NEDD4L: variants seen among roughly 807,000 people sequenced by gnomAD.
The protein encoded by NEDD4L is E3 ubiquitin-protein ligase NEDD4-like.
A neutral mutation model predicts 148.9 loss-of-function variants in NEDD4L; 54 were observed. That is an observed-to-expected ratio of 0.36 (90% confidence interval 0.29 to 0.45). The LOEUF (loss-of-function observed/expected upper bound fraction) is 0.45. Ranked by LOEUF, NEDD4L falls within the 20% of genes least tolerant of loss-of-function variation. The pLI, the probability that NEDD4L is intolerant of heterozygous loss-of-function variation, is 1.00. For missense variants in NEDD4L, 856 were observed against 1,233.8 expected (o/e 0.69, Z 4.59); for synonymous variants, 433 against 440.7 (o/e 0.98, Z 0.22).
chr18:58,162,290 G>T (rs1385007922), intron 1 of NEDD4L, among the ~76,000 whole-genome samples: 2 of 152,032 alleles, frequency 1.3e-5, no homozygotes, highest in Non-Finnish European at 2.9e-5. Context: ...GGCCTCTGTG[G>T]TCCTTGACCC....
chr18:58,206,117 G>A (rs1022283700), intron 2 of NEDD4L, among the ~76,000 whole-genome samples: 8 of 152,152 alleles, frequency 5.3e-5, no homozygotes, highest in Non-Finnish European at 7.4e-5. Context: ...CATGGGGCGC[G>A]GTGGCTCATC....
chr18:58,377,158 C>G (rs1288843306), intron 24 of NEDD4L, among the ~76,000 whole-genome samples: 1 of 152,204 alleles, frequency 6.6e-6, no homozygotes. Context: ...AAGCACTTTG[C>G]CTGGTGCATG....
intron 19 of NEDD4L, among the ~76,000 whole-genome samples, chr18:58,360,576 CTTTA>C (rs368150259): frequency 1.4e-3 from 210 of 152,190 alleles, no homozygotes; most frequent in African/African-American, 4.2e-3. Flanking sequence ...CTCTTTATCT[CTTTA>C]TTTATTTTTG....
intron 4 of NEDD4L, among the ~76,000 whole-genome samples, chr18:58,251,537 GTGTGTA>G (rs1211973268): frequency 6.7e-6 from 1 of 149,458 alleles, no homozygotes; most frequent in South Asian, 2.2e-4. Context: ...CTGTGTGTTT[GTGTGTA>G]TGTGTGTGTG....
At chr18:58,315,559 T>G (rs1236947038) in intron 5 of NEDD4L, among the ~76,000 whole-genome samples, 4 of 152,212 alleles carry the variant, frequency 2.6e-5, no homozygotes, top group Non-Finnish European at 5.9e-5. Context: ...CTAGGCCATA[T>G]ACTTTTTCCA....
chr18:58,103,062 G>C (rs1460712478), intron 1 of NEDD4L, among the ~76,000 whole-genome samples: 1 of 151,916 alleles, frequency 6.6e-6, no homozygotes, highest in Non-Finnish European at 1.5e-5. Context: ...TATGGACACA[G>C]TGAGCATTTG....
intron 1 of NEDD4L, among the ~76,000 whole-genome samples, chr18:58,133,280 G>A (rs2145998274): frequency 6.6e-6 from 1 of 152,310 alleles, no homozygotes; most frequent in South Asian, 2.1e-4. Flanking sequence ...GCACTTATAA[G>A]TTTCTATGCC....
At chr18:58,117,254 C>T (rs2085907627) in intron 1 of NEDD4L, among the ~76,000 whole-genome samples, 1 of 152,198 alleles carries the variant, frequency 6.6e-6, no homozygotes, top group African/African-American at 2.4e-5. Context: ...GGCCCAGTTG[C>T]CTTGGAGCAG....
In NEDD4L at chr18:58,396,324, G is replaced by A. The variant is rs1477652225; in HGVS notation, c.*55G>A. ...TCAAGCAAGTTCTGCTTGCACTTTT[G>A]CATTTGCCTAACAGACTTTTGCAGA... On this transcript the variant is annotated 3_prime_UTR_variant, in exon 31 of 31. Coordinates refer to ENST00000400345, the MANE Select transcript of NEDD4L (RefSeq NM_001144967.3). 32 of 1,236,852 alleles carry A rather than the reference G, an allele frequency of 2.6e-5. No individual in the cohort carries two copies. Among genetic ancestry groups the A allele is most frequent in the Non-Finnish European group, 3.6e-5 (31 of 851,932 alleles). 76.6% of individuals were successfully genotyped at this position (1,236,852 alleles called of 1,614,324 possible). A position where few individuals can be genotyped will look rare whatever the true frequency, so the allele number is the denominator to read the frequency against.
chr18:58,157,860 A>G (rs1488965601), intron 1 of NEDD4L, among the ~76,000 whole-genome samples: 1 of 152,252 alleles, frequency 6.6e-6, no homozygotes, highest in Non-Finnish European at 1.5e-5. Context: ...GAGATAAATG[A>G]GACTGTAATT....
chr18:58,064,047 C>G (rs1395176029), intron 1 of NEDD4L, among the ~76,000 whole-genome samples: 1 of 146,586 alleles, frequency 6.8e-6, no homozygotes, highest in African/African-American at 2.5e-5. Flanking sequence ...TCACTGCAAG[C>G]TCCGCCTTCC....
chr18:58,353,620 C>T (rs549689772), intron 18 of NEDD4L, among the ~76,000 whole-genome samples: 1 of 152,332 alleles, frequency 6.6e-6, no homozygotes, highest in African/African-American at 2.4e-5. Context: ...AAAATTCAGT[C>T]TGTGAAAACT....
At chr18:58,182,249 C>T (rs553792852) in intron 2 of NEDD4L, among the ~76,000 whole-genome samples, 6 of 151,856 alleles carry the variant, frequency 4.0e-5, no homozygotes, top group African/African-American at 9.7e-5. Context: ...AAATGCGGGG[C>T]GGGGGGTGAA....
At chr18:58,059,782 C>A (rs1053075468) in intron 1 of NEDD4L, among the ~76,000 whole-genome samples, 4 of 152,152 alleles carry the variant, frequency 2.6e-5, no homozygotes, top group Admixed American at 6.5e-5. Context: ...TCTTCGTATG[C>A]AAACTTGGTA....
At chr18:58,175,152 GATCCCAT>G (rs2037977656) in intron 2 of NEDD4L, among the ~76,000 whole-genome samples, 1 of 152,226 alleles carries the variant, frequency 6.6e-6, no homozygotes, top group Non-Finnish European at 1.5e-5. Flanking sequence ...ACGTTTGGGA[GATCCCAT>G]ATTATAATAC....
intron 2 of NEDD4L, among the ~76,000 whole-genome samples, chr18:58,225,953 A>G (rs1296446060): frequency 6.6e-6 from 1 of 152,182 alleles, no homozygotes; most frequent in Non-Finnish European, 1.5e-5. Context: ...AACATTTTCC[A>G]GTGTGTCTAC....
intron 5 of NEDD4L, among the ~76,000 whole-genome samples, chr18:58,260,608 CATT>C (rs1301658583): frequency 6.6e-6 from 1 of 152,156 alleles, no homozygotes; most frequent in Non-Finnish European, 1.5e-5. Context: ...GGTGTAATAA[CATT>C]ATGTGTATAT....
intron 5 of NEDD4L, among the ~76,000 whole-genome samples, chr18:58,312,783 C>T (rs138118822): frequency 1.5e-4 from 23 of 152,314 alleles, no homozygotes; most frequent in African/African-American, 3.9e-4. Flanking sequence ...CGGGTTCAAG[C>T]GATTCTCCTG....
chr18:58,082,947 A>G (rs1046603594), intron 1 of NEDD4L, among the ~76,000 whole-genome samples: 4 of 152,166 alleles, frequency 2.6e-5, no homozygotes, highest in Admixed American at 1.3e-4. Flanking sequence ...AGTTTCATTC[A>G]TCAATCATTC....
Sources: allele counts gnomAD v4.1 joint callset (sites outside exome capture counted in the v4.1 genomes callset), GRCh38; gene constraint gnomAD v4.1.1; transcripts MANE v1.5; gene names NCBI Gene and HGNC (gene_info 2026-07-23, HGNC 2026-07-21).